The following DNA2 variants were observed in gnomAD, a reference collection of about 807,000 sequenced individuals.
DNA2 encodes the protein DNA replication helicase/nuclease 2, also known as DNA replication ATP-dependent helicase/nuclease DNA2.
In DNA2, 101 loss-of-function variants were observed where a neutral mutation model predicts 119.1. That is an observed-to-expected ratio of 0.85 (90% CI 0.72 to 1.00). The LOEUF (loss-of-function observed/expected upper bound fraction) is 1.00. Among genes scored for constraint, DNA2 ranks in the 50% least tolerant of loss-of-function variants. DNA2 has a pLI of 0.00. For missense variants in DNA2, 1,121 were observed against 1,255.5 expected, an observed-to-expected ratio of 0.89 and a Z score of 1.62; for synonymous variants, 366 against 424.4, an observed-to-expected ratio of 0.86 and a Z score of 1.69.
In DNA2 at chr10:68,431,967, C is replaced by G; in HGVS notation, c.1878G>C (p.Leu626Phe). The G allele has an allele frequency of 6.2e-7, 1 of 1,600,284 alleles. No homozygotes were observed. Among genetic ancestry groups the G allele is most frequent in the South Asian group, 1.1e-5 (1 of 89,124 alleles). ...TCATCGCTTGCCTCTGAGGCTTATTCAAACCTACATTTAAATTCAAAAATA... is the reference window on the plus strand; with the variant it reads ...TCATCGCTTGCCTCTGAGGCTTATTGAAACCTACATTTAAATTCAAAAATA... ...KDTVACILKG[L>F]NKPQRQAMKK... Residue 626 changes from leucine (L) to phenylalanine (F), a missense_variant, in exon 13 of 21, where the codon TTG becomes TTC. By Grantham distance (22) the Leu-to-Phe change is conservative. Coordinates refer to ENST00000358410, the MANE Select transcript of DNA2 (RefSeq NM_001080449.3).
intron 10 of DNA2, among the ~76,000 whole-genome samples, chr10:68,436,027 T>A (rs2133385134): frequency 6.6e-6 from 1 of 152,288 alleles, no homozygotes; most frequent in East Asian, 1.9e-4. Context: ...AGTTTGGTAG[T>A]TCCTCAAAAT....
intron 6 of DNA2, among the ~76,000 whole-genome samples, 156 bp from the exon 7 acceptor site, chr10:68,446,569 A>G (rs1161409174): frequency 6.6e-6 from 1 of 152,218 alleles, no homozygotes; most frequent in African/African-American, 2.4e-5. Flanking sequence ...ATAACACAAC[A>G]AATTTGATGT....
At chr10:68,453,612 G>C (rs929441467) in intron 5 of DNA2, among the ~76,000 whole-genome samples, 3 of 152,138 alleles carry the variant, frequency 2.0e-5, no homozygotes, top group Non-Finnish European at 4.4e-5. Context: ...ATTGCCTAGT[G>C]ACATCTAGCT....
intron 4 of DNA2, 21 bp downstream of exon 4, chr10:68,465,646 G>T: frequency 6.5e-7 from 1 of 1,540,732 alleles, no homozygotes; most frequent in South Asian, 1.2e-5. Flanking sequence ...TATACCTGCA[G>T]TTCTTCTTAT....
chr10:68,422,358 T>C lies in DNA2; in HGVS notation c.2564A>G (p.Asn855Ser), dbSNP rs766405483. The C allele has an allele frequency of 1.4e-5, 23 of 1,613,852 alleles. No homozygotes were observed. Among genetic ancestry groups the C allele is most frequent in the Non-Finnish European group, 1.7e-6 (2 of 1,179,890 alleles). The stretch of plus-strand genomic sequence containing the variant: ...AAAGTGACGTAGGTTTATCACTGCA[T>C]TGGCCACTTTGTCTGATCCACACTC... ...KLECGSDKVA[N>S]AVINLRHFKD... The change falls in exon 17 of 21, where the codon AAT becomes AGT. Residue 855 changes from asparagine (N) to serine (S), a missense_variant. Physicochemically the swap from Asn to Ser is conservative, Grantham distance 46. Coordinates refer to ENST00000358410, the MANE Select transcript of DNA2 (RefSeq NM_001080449.3).
At chr10:68,419,399 T>C (rs1481086284) in intron 18 of DNA2, 186 bp from the exon 19 acceptor site, 1 of 560,390 alleles carries the variant, frequency 1.8e-6, no homozygotes, top group Non-Finnish European at 3.0e-6. Flanking sequence ...GATGAAATAA[T>C]TCCTTAGACA....
At chr10:68,472,094 T>G, upstream of DNA2, 1 of 1,548,546 alleles carries the variant, frequency 6.5e-7, no homozygotes, top group South Asian at 1.2e-5. Flanking sequence ...GCTCCCTTGC[T>G]TAGGACTGGG....
In DNA2 at chr10:68,446,287, C is replaced by A. The variant is rs757243525; in HGVS notation, c.1057+9G>T. The stretch of plus-strand genomic sequence containing the variant: ...CAAAGAAGTAAAACTAAAAAAAAAA[C>A]GGCTCAACCTCTTTTATCTAGATGG... On this transcript the variant is annotated intron_variant, in intron 7 of 20. Coordinates refer to ENST00000358410, the MANE Select transcript of DNA2 (RefSeq NM_001080449.3). 3.4e-6 allele frequency: 5 copies of A among 1,464,954 alleles called. No individual in the cohort carries two copies. Among genetic ancestry groups the A allele is most frequent in the African/African-American group, 2.9e-5 (2 of 69,940 alleles). 90.7% of individuals were successfully genotyped at this position (1,464,954 alleles called of 1,614,324 possible). A position where few individuals can be genotyped will look rare whatever the true frequency, so the allele number is the denominator to read the frequency against.
intron 9 of DNA2, among the ~76,000 whole-genome samples, chr10:68,439,234 A>C (rs1478169569): frequency 6.6e-6 from 1 of 150,820 alleles, no homozygotes; most frequent in African/African-American, 2.4e-5. Context: ...ATCCCTACTA[A>C]AAATACAAAA....
At chr10:68,437,649 T>TCAAAAACAAAAA (rs1339155314) in intron 9 of DNA2, among the ~76,000 whole-genome samples, 4 of 119,044 alleles carry the variant, frequency 3.4e-5, no homozygotes, top group African/African-American at 1.2e-4. Flanking sequence ...AAACCACCTC[T>TCAAAAACAAAAA]CAAAAACAAA....
intron 14 of DNA2, among the ~76,000 whole-genome samples, chr10:68,428,103 A>C (rs1473023414): frequency 6.6e-6 from 1 of 151,832 alleles, no homozygotes; most frequent in Non-Finnish European, 1.5e-5. Flanking sequence ...CGAGACAGGC[A>C]GATCACAAGG....
chr10:68,416,669 G>A (rs2051592863), intron 20 of DNA2, 40 bp downstream of exon 20: 1 of 1,569,402 alleles, frequency 6.4e-7, no homozygotes, highest in Non-Finnish European at 8.8e-7. Context: ...ACTCACAACA[G>A]TGCAATCAAA....
chr10:68,471,989 T>C (rs764838833), upstream of DNA2: 37 of 1,611,162 alleles, frequency 2.3e-5, no homozygotes, highest in South Asian at 3.1e-4. Context: ...AACCCGCAGA[T>C]GTCCCAAATG....
intron 4 of DNA2, among the ~76,000 whole-genome samples, chr10:68,461,991 A>T (rs1316048982): frequency 6.6e-6 from 1 of 152,178 alleles, no homozygotes; most frequent in African/African-American, 2.4e-5. Context: ...AAAAAAATGT[A>T]AAACAATGAC....
intron 4 of DNA2, among the ~76,000 whole-genome samples, chr10:68,465,418 C>T (rs1038193127): frequency 5.3e-5 from 8 of 152,148 alleles, no homozygotes; most frequent in African/African-American, 1.9e-4. Context: ...GTTCTTTATA[C>T]ATTCTCTGAA....
At chr10:68,432,571 T>C (rs1015484672) in intron 10 of DNA2, 61 bp from the exon 11 acceptor site, 2 of 921,814 alleles carry the variant, frequency 2.2e-6, no homozygotes. Context: ...GTATAAGAAA[T>C]ATGCTGCTAT....
At chr10:68,424,319 C>T (rs1181975770) in intron 14 of DNA2, among the ~76,000 whole-genome samples, 1 of 152,064 alleles carries the variant, frequency 6.6e-6, no homozygotes, top group East Asian at 1.9e-4. Flanking sequence ...GCCCGAGCAA[C>T]ACAGCGAAAA....
At chr10:68,458,363 C>T (rs2133429580) in intron 5 of DNA2, among the ~76,000 whole-genome samples, 1 of 152,110 alleles carries the variant, frequency 6.6e-6, no homozygotes, top group East Asian at 1.9e-4. Context: ...AAAACCCTGT[C>T]TCTACTAAAA....
intron 1 of DNA2, among the ~76,000 whole-genome samples, chr10:68,471,025 A>G (rs2052376049): frequency 6.6e-6 from 1 of 152,184 alleles, no homozygotes; most frequent in Non-Finnish European, 1.5e-5. Context: ...CAAAATAATA[A>G]TCTCTCAAGA....
Sources: gnomAD v4.1 joint callset for allele counts (sites outside exome capture counted in the v4.1 genomes callset) on GRCh38, gnomAD v4.1.1 for gene constraint, MANE v1.5 for transcripts, NCBI Gene and HGNC (gene_info 2026-07-23, HGNC 2026-07-21) for gene names.